The following LTBP1 variants were observed in gnomAD, a reference collection of about 807,000 sequenced individuals.
The protein encoded by LTBP1 is latent transforming growth factor beta binding protein 1, also known as latent-transforming growth factor beta-binding protein 1.
Under a neutral mutation model 207.6 loss-of-function variants are expected in LTBP1, and 129 were observed. The observed-to-expected ratio is 0.62, with a 90% CI of 0.54 to 0.72. The LOEUF (loss-of-function observed/expected upper bound fraction) is 0.72, where lower values mean the gene tolerates loss of function less well. LTBP1 is among the 30% of genes least tolerant of loss of function. The pLI is 0.00. For missense variants in LTBP1, 2,281 were observed against 2,217.2 expected, an observed-to-expected ratio of 1.03 and a Z score of -0.58; for synonymous variants, 963 against 833.7, an observed-to-expected ratio of 1.16 and a Z score of -2.67.
intron 6 of LTBP1, 70 bp from the exon 7 acceptor site, chr2:33,188,507 A>G (rs187410697): frequency 1.5e-6 from 2 of 1,295,248 alleles, no homozygotes; most frequent in East Asian, 2.3e-5. Context: ...ATTTACTTTC[A>G]TGTTTTAAAA....
chr2:33,169,500 G>A (rs2085232023), intron 5 of LTBP1, among the ~76,000 whole-genome samples: 1 of 152,200 alleles, frequency 6.6e-6, no homozygotes, highest in East Asian at 1.9e-4. Context: ...CAGATGGAAT[G>A]AGTTGAATAA....
intron 21 of LTBP1, 69 bp downstream of exon 21, chr2:33,300,642 A>C: frequency 1.3e-6 from 2 of 1,505,108 alleles, no homozygotes; most frequent in Non-Finnish European, 1.8e-6. Context: ...AGGTACGCTC[A>C]ATCAAGTGAG....
chr2:33,232,428 G>T (rs2091841660), intron 9 of LTBP1, among the ~76,000 whole-genome samples: 1 of 152,126 alleles, frequency 6.6e-6, no homozygotes, highest in Admixed American at 6.5e-5. Flanking sequence ...GAAAGAAAAT[G>T]GATTTGTGGC....
chr2:33,193,896 A>G (rs1012415166), intron 7 of LTBP1, among the ~76,000 whole-genome samples: 3 of 152,198 alleles, frequency 2.0e-5, no homozygotes, highest in Non-Finnish European at 4.4e-5. Context: ...ACACAACAAT[A>G]TTGAAATTAG....
At chr2:33,300,848 G>A (rs1464880277) in intron 21 of LTBP1, among the ~76,000 whole-genome samples, 1 of 152,142 alleles carries the variant, frequency 6.6e-6, no homozygotes, top group African/African-American at 2.4e-5. Context: ...ACTACAGAAG[G>A]TAATTTCCAT....
rs776342980 is a variant in LTBP1 at position 33,364,229 on chromosome 2, T to C, written c.4413T>C (p.Cys1471=). The change falls in exon 30 of 34, where the codon TGT becomes TGC. Residue 1471 remains cysteine, a synonymous_variant. Coordinates refer to ENST00000404816, the MANE Select transcript of LTBP1 (RefSeq NM_206943.4). Reference sequence around the variant, plus strand: ...TTTGCTCTTAAGATATGGATGAATGTCAAGACCCCAGTAGTTGTATTGATG... The same window carrying C: ...TTTGCTCTTAAGATATGGATGAATGCCAAGACCCCAGTAGTTGTATTGATG... The part of the protein sequence containing the change: ...VKLQCFDMDE[C]QDPSSCIDGQ... 10 of 1,613,374 alleles carry C rather than the reference T, an allele frequency of 6.2e-6. No homozygotes were observed. The African/African-American group carries it at 1.1e-4, about 17-fold the overall frequency.
intron 13 of LTBP1, among the ~76,000 whole-genome samples, chr2:33,261,308 G>A (rs2093003706): frequency 6.6e-6 from 1 of 152,170 alleles, no homozygotes; most frequent in African/African-American, 2.4e-5. Flanking sequence ...TGTTGGCATT[G>A]GCCATGGCTG....
At chr2:33,295,744 T>C (rs2093862173) in intron 20 of LTBP1, among the ~76,000 whole-genome samples, 1 of 152,152 alleles carries the variant, frequency 6.6e-6, no homozygotes, top group African/African-American at 2.4e-5. Context: ...AAAGAGGAAA[T>C]AAGTAAACAT....
chr2:32,993,443 A>C (rs751010329), intron 2 of LTBP1, among the ~76,000 whole-genome samples: 2 of 152,130 alleles, frequency 1.3e-5, no homozygotes, highest in Non-Finnish European at 2.9e-5. Flanking sequence ...TCATATATAC[A>C]AGTTCAATCC....
rs911956524 is a variant in LTBP1 at position 33,134,591 on chromosome 2, G to C, written c.1034-202G>C. On this transcript the variant is annotated intron_variant, in intron 4 of 33. Coordinates refer to ENST00000404816, the MANE Select transcript of LTBP1 (RefSeq NM_206943.4). The surrounding 1 kb of genome is among the most constrained non-coding windows in gnomAD (Gnocchi z 4.4). Reference sequence around the variant, plus strand: ...TCTGTTTGCTAAGCTTCCTACTCCTGTTTCAGAGACACCACTGAATACAGA... The same window carrying C: ...TCTGTTTGCTAAGCTTCCTACTCCTCTTTCAGAGACACCACTGAATACAGA... 18 of 1,537,232 alleles carry C rather than the reference G, an allele frequency of 1.2e-5. No individual in the cohort carries two copies. Among genetic ancestry groups the C allele is most frequent in the Non-Finnish European group, 1.5e-5 (17 of 1,140,132 alleles).
intron 7 of LTBP1, among the ~76,000 whole-genome samples, chr2:33,211,104 TGAA>T (rs2090275078): frequency 6.6e-6 from 1 of 152,118 alleles, no homozygotes; most frequent in Non-Finnish European, 1.5e-5. Context: ...ATACATGTAA[TGAA>T]GACAATTAAT....
At chr2:33,226,004 C>G (rs1031179881) in intron 9 of LTBP1, among the ~76,000 whole-genome samples, 1 of 152,084 alleles carries the variant, frequency 6.6e-6, no homozygotes, top group African/African-American at 2.4e-5. Flanking sequence ...TAGGTTGATT[C>G]CATATCTTGG....
chr2:32,971,633 G>A (rs4952327), intron 2 of LTBP1, among the ~76,000 whole-genome samples: 7,522 of 152,208 alleles, frequency 0.049, 479 homozygotes, highest in East Asian at 0.24. Context: ...TTACATCCCA[G>A]CGATAAAGCC....
chr2:33,199,030 G>A (rs544044694), intron 7 of LTBP1, among the ~76,000 whole-genome samples: 21 of 151,994 alleles, frequency 1.4e-4, no homozygotes, highest in South Asian at 4.2e-4. Context: ...TCTCTTGTGG[G>A]CATTTAGTGC....
intron 2 of LTBP1, among the ~76,000 whole-genome samples, chr2:32,961,488 G>C (rs886683943): frequency 4.6e-5 from 7 of 152,182 alleles, no homozygotes; most frequent in African/African-American, 1.7e-4. Flanking sequence ...AGAGCTGATA[G>C]GATGTGTTAA....
intron 20 of LTBP1, among the ~76,000 whole-genome samples, chr2:33,296,232 T>A (rs1278797750): frequency 1.3e-5 from 2 of 150,042 alleles, no homozygotes; most frequent in African/African-American, 5.1e-5. Flanking sequence ...ATCTGCCTAA[T>A]TTTTTTCATC....
intron 26 of LTBP1, among the ~76,000 whole-genome samples, chr2:33,357,693 T>C (rs1242316721): frequency 1.3e-5 from 2 of 152,210 alleles, no homozygotes; most frequent in Non-Finnish European, 2.9e-5. Flanking sequence ...AAACTTGATC[T>C]TTTTATGCAA....
At chr2:32,983,193 C>A (rs1420825953) in intron 2 of LTBP1, among the ~76,000 whole-genome samples, 3 of 152,190 alleles carry the variant, frequency 2.0e-5, no homozygotes, top group African/African-American at 4.8e-5. Flanking sequence ...CAAAGGAGAT[C>A]ATTTTGGAAC....
chr2:33,027,930 C>T, intron 3 of LTBP1, among the ~76,000 whole-genome samples: 1 of 152,212 alleles, frequency 6.6e-6, no homozygotes, highest in Non-Finnish European at 1.5e-5. Context: ...GAAGGACTTC[C>T]TAATCCATGA....
Sources: gnomAD v4.1 joint callset for allele counts (sites outside exome capture counted in the v4.1 genomes callset) on GRCh38, gnomAD v4.1.1 for gene constraint, Gnocchi (gnomAD v3.1) non-coding constraint, MANE v1.5 for transcripts, NCBI Gene and HGNC (gene_info 2026-07-23, HGNC 2026-07-21) for gene names.